Variants in CSMD1 observed in about 807,000 individuals in gnomAD.
The protein encoded by CSMD1 is CUB and sushi domain-containing protein 1.
A neutral mutation model predicts 417.5 loss-of-function variants in CSMD1; 213 were observed. The observed-to-expected ratio is 0.51, with a 90% CI of 0.46 to 0.57. The LOEUF (loss-of-function observed/expected upper bound fraction) is 0.57. Ranked by LOEUF, CSMD1 falls within the 20% of genes least tolerant of loss-of-function variation. CSMD1 has a pLI of 0.00. For synonymous variants in CSMD1, 2,862 were observed against 1,736.8 expected, an observed-to-expected ratio of 1.65 and a Z score of -16.11; for missense variants, 6,923 against 4,529.7, an observed-to-expected ratio of 1.53 and a Z score of -15.17.
intron 3 of CSMD1, among the ~76,000 whole-genome samples, chr8:4,146,772 C>A (rs975835061): frequency 5.4e-5 from 8 of 149,466 alleles, no homozygotes; most frequent in African/African-American, 1.8e-4. Context: ...GCACCAGACT[C>A]GACTAATTTT....
intron 1 of CSMD1, among the ~76,000 whole-genome samples, chr8:4,776,856 T>C (rs1270279668): frequency 6.6e-6 from 1 of 152,230 alleles, no homozygotes; most frequent in Non-Finnish European, 1.5e-5. Flanking sequence ...CTTCCATAAA[T>C]TATTTTACTG....
At chr8:3,140,658 T>G (rs1229123069) in intron 41 of CSMD1, among the ~76,000 whole-genome samples, 2 of 151,830 alleles carry the variant, frequency 1.3e-5, no homozygotes, top group Non-Finnish European at 2.9e-5. Flanking sequence ...CCTCTTTCAG[T>G]AATAAATATC....
At chr8:4,362,210 G>T (rs535151898) in intron 3 of CSMD1, among the ~76,000 whole-genome samples, 1 of 152,230 alleles carries the variant, frequency 6.6e-6, no homozygotes, top group African/African-American at 2.4e-5. Context: ...TTTTCCAAAG[G>T]ATCCTGGGAG....
At chr8:4,465,184 A>C (rs1168328366) in intron 2 of CSMD1, among the ~76,000 whole-genome samples, 1 of 152,160 alleles carries the variant, frequency 6.6e-6, no homozygotes, top group Admixed American at 6.5e-5. Flanking sequence ...AGGGAATAGG[A>C]AGTCCAAACC....
chr8:3,428,169 A>G (rs1388629630), intron 12 of CSMD1, among the ~76,000 whole-genome samples: 2 of 152,100 alleles, frequency 1.3e-5, no homozygotes, highest in Non-Finnish European at 2.9e-5. Context: ...AATTTCAACT[A>G]TATGGTTGGG....
At chr8:3,043,044 G>A (rs1008438273) in intron 50 of CSMD1, among the ~76,000 whole-genome samples, 11 of 143,816 alleles carry the variant, frequency 7.6e-5, no homozygotes, top group South Asian at 4.5e-4. Flanking sequence ...CTAGTACTGT[G>A]GGATTATATG....
chr8:4,642,260 G>C (rs1803239103), intron 1 of CSMD1, among the ~76,000 whole-genome samples: 1 of 152,194 alleles, frequency 6.6e-6, no homozygotes. Context: ...TTCCAGTAAA[G>C]GCAGGGCTCA....
chr8:3,728,266 C>T (rs756145689), intron 6 of CSMD1, among the ~76,000 whole-genome samples: 14 of 152,096 alleles, frequency 9.2e-5, no homozygotes, highest in Admixed American at 1.3e-4. Context: ...CTCTCTTTGC[C>T]GCCACCATGT....
chr8:4,806,989 T>C (rs1798626139), intron 1 of CSMD1, among the ~76,000 whole-genome samples: 1 of 152,186 alleles, frequency 6.6e-6, no homozygotes. Flanking sequence ...AAGAACCACA[T>C]ACAAAGACTA....
intron 3 of CSMD1, among the ~76,000 whole-genome samples, chr8:4,129,923 C>A (rs10096713): frequency 0.11 from 16,830 of 151,952 alleles, 1,119 homozygotes; most frequent in East Asian, 0.3. Flanking sequence ...GTAATTTTAA[C>A]AATTATATAT....
chr8:4,542,635 G>C (rs551140043), intron 2 of CSMD1, among the ~76,000 whole-genome samples: 4 of 152,186 alleles, frequency 2.6e-5, no homozygotes, highest in South Asian at 2.1e-4. Flanking sequence ...TCCAATGCAA[G>C]AGAATGGAGA....
chr8:4,388,199 A>G (rs546795238), intron 3 of CSMD1, among the ~76,000 whole-genome samples: 141 of 152,256 alleles, frequency 9.3e-4, no homozygotes, highest in Non-Finnish European at 1.7e-3. Flanking sequence ...AAGTCATTAT[A>G]CGAAAAAGAT....
intron 3 of CSMD1, among the ~76,000 whole-genome samples, chr8:4,369,418 T>C (rs73508700): frequency 0.046 from 7,051 of 152,278 alleles, 418 homozygotes; most frequent in African/African-American, 0.14. Context: ...GTATATTCTA[T>C]CACTGTTGGG....
chr8:4,639,717 T>G (rs958774564), intron 1 of CSMD1, among the ~76,000 whole-genome samples: 3 of 152,210 alleles, frequency 2.0e-5, no homozygotes, highest in African/African-American at 7.2e-5. Context: ...TTCAACTACA[T>G]TTTATACTTA....
intron 5 of CSMD1, among the ~76,000 whole-genome samples, chr8:3,776,514 G>A (rs1050871096): frequency 6.6e-6 from 1 of 152,158 alleles, no homozygotes; most frequent in Non-Finnish European, 1.5e-5. Context: ...AAACACCCTG[G>A]GGCCTTGGAA....
chr8:4,296,696 G>GTTTTTTTTTTTT (rs371696159), intron 3 of CSMD1, among the ~76,000 whole-genome samples: 1 of 114,870 alleles, frequency 8.7e-6, no homozygotes, highest in African/African-American at 3.3e-5. Context: ...GAAAATAAGG[G>GTTTTTTTTTTTT]TTTTTTTTTT....
At chr8:4,276,408 A>G (rs1415104340) in intron 3 of CSMD1, among the ~76,000 whole-genome samples, 1 of 152,122 alleles carries the variant, frequency 6.6e-6, no homozygotes, top group Non-Finnish European at 1.5e-5. Flanking sequence ...TTCACTCATA[A>G]GTGGGAGTTG....
chr8:4,690,281 G>A (rs1203095999), intron 1 of CSMD1, among the ~76,000 whole-genome samples: 1 of 152,080 alleles, frequency 6.6e-6, no homozygotes, highest in Admixed American at 6.5e-5. Context: ...ATCCTGAAGA[G>A]GACGACCTAA....
chr8:3,706,030 A>C (rs1801146445), intron 7 of CSMD1, among the ~76,000 whole-genome samples: 1 of 152,236 alleles, frequency 6.6e-6, no homozygotes, highest in Non-Finnish European at 1.5e-5. Flanking sequence ...CTGAAGAGGA[A>C]ACGGGGCTCA....
Sources: allele counts gnomAD v4.1 joint callset (sites outside exome capture counted in the v4.1 genomes callset), GRCh38; gene constraint gnomAD v4.1.1; transcripts MANE v1.5; gene names NCBI Gene and HGNC (gene_info 2026-07-23, HGNC 2026-07-21).